Variants in MAPRE2 observed in about 807,000 individuals in gnomAD.
MAPRE2 encodes the protein microtubule-associated protein RP/EB family member 2.
Under a neutral mutation model 43.2 loss-of-function variants are expected in MAPRE2, and 13 were observed. The ratio of observed to expected loss-of-function variants is 0.30; its 90% CI spans 0.20 to 0.48. MAPRE2 has a LOEUF of 0.48. Ranked by LOEUF, MAPRE2 falls within the 20% of genes least tolerant of loss-of-function variation. The pLI is 0.99. For synonymous variants in MAPRE2, 135 were observed against 148.8 expected (o/e 0.91, Z 0.68); for missense variants, 161 against 400.2 (o/e 0.40, Z 5.10).
chr18:35,133,756 A>G (rs764388565), intron 6 of MAPRE2, among the ~76,000 whole-genome samples: 3 of 152,154 alleles, frequency 2.0e-5, no homozygotes, highest in Admixed American at 6.5e-5. Flanking sequence ...CTCCAAATGA[A>G]GTGTTGGAGA....
At chr18:35,066,213 G>A (rs16966370) in intron 1 of MAPRE2, among the ~76,000 whole-genome samples, 14,832 of 152,210 alleles carry the variant, frequency 0.097, 1,078 homozygotes, top group East Asian at 0.22. Flanking sequence ...ATAGGATGTT[G>A]ATGTAATTGG....
chr18:35,062,811 A>G (rs1906601418), intron 1 of MAPRE2, among the ~76,000 whole-genome samples: 2 of 152,182 alleles, frequency 1.3e-5, no homozygotes, highest in Admixed American at 1.3e-4. Flanking sequence ...CTCAAGCCCA[A>G]AGAAATAAGT....
intron 2 of MAPRE2, among the ~76,000 whole-genome samples, chr18:35,010,825 T>G (rs2097034203): frequency 6.6e-6 from 1 of 152,190 alleles, no homozygotes; most frequent in Non-Finnish European, 1.5e-5. Flanking sequence ...TGTTTTACCT[T>G]AAAATAATGT....
chr18:34,995,151 T>C (rs1156951223), intron 1 of MAPRE2, among the ~76,000 whole-genome samples: 3 of 152,208 alleles, frequency 2.0e-5, no homozygotes, highest in Non-Finnish European at 4.4e-5. Flanking sequence ...AAAATGCAAG[T>C]GCACCAAGAG....
chr18:35,099,651 C>T (rs1002115411), intron 3 of MAPRE2, among the ~76,000 whole-genome samples: 1 of 152,120 alleles, frequency 6.6e-6, no homozygotes, highest in African/African-American at 2.4e-5. Context: ...CAATTGAGTT[C>T]ACATGTGGCA....
chr18:34,999,930 A>G (rs2097028471), intron 1 of MAPRE2, among the ~76,000 whole-genome samples: 1 of 151,934 alleles, frequency 6.6e-6, no homozygotes, highest in Non-Finnish European at 1.5e-5. Context: ...AGCCCAACCC[A>G]AGACCATTAA....
intron 1 of MAPRE2, among the ~76,000 whole-genome samples, chr18:34,993,255 C>CTTTTTTTT (rs760356794): frequency 7.7e-6 from 1 of 130,074 alleles, no homozygotes; most frequent in Non-Finnish European, 1.6e-5. Flanking sequence ...CCATTCCCGC[C>CTTTTTTTT]TTTTTTTTTT....
chr18:35,104,952 T>C (rs1908838587), intron 4 of MAPRE2, among the ~76,000 whole-genome samples: 1 of 152,140 alleles, frequency 6.6e-6, no homozygotes, highest in East Asian at 1.9e-4. Context: ...TCAAGTTTTC[T>C]GTAGTGAGAT....
intron 1 of MAPRE2, among the ~76,000 whole-genome samples, chr18:34,985,305 T>TAAA (rs1491109694): frequency 1.0e-4 from 2 of 19,882 alleles, no homozygotes; most frequent in African/African-American, 4.4e-4. Flanking sequence ...TTATATATTG[T>TAAA]ATATATTATA....
intron 2 of MAPRE2, among the ~76,000 whole-genome samples, chr18:35,078,914 A>C (rs1603398611): frequency 6.6e-6 from 1 of 151,994 alleles, no homozygotes; most frequent in African/African-American, 2.4e-5. Flanking sequence ...TTCCTTCTCC[A>C]CCTGCTGCAA....
intron 1 of MAPRE2, among the ~76,000 whole-genome samples, chr18:35,069,683 A>T (rs1039131657): frequency 1.3e-5 from 2 of 151,994 alleles, no homozygotes; most frequent in African/African-American, 4.8e-5. Flanking sequence ...ACAATATATC[A>T]ATATATATAT....
chr18:35,137,830 C>T (rs1430264881), intron 6 of MAPRE2, among the ~76,000 whole-genome samples: 1 of 152,166 alleles, frequency 6.6e-6, no homozygotes, highest in Non-Finnish European at 1.5e-5. Context: ...TATCTCGGGG[C>T]TGCAGGCAGT....
chr18:35,112,676 A>C (rs1297352981), intron 4 of MAPRE2, among the ~76,000 whole-genome samples: 2 of 152,242 alleles, frequency 1.3e-5, no homozygotes, highest in Non-Finnish European at 2.9e-5. Flanking sequence ...ACTCCCTGGA[A>C]GAAGAGAGGT....
intron 1 of MAPRE2, among the ~76,000 whole-genome samples, chr18:34,986,162 C>G (rs2097020884): frequency 6.6e-6 from 1 of 152,044 alleles, no homozygotes; most frequent in South Asian, 2.1e-4. Context: ...GTACCTGAAA[C>G]TATTTACTGC....
chr18:35,127,182 G>A, intron 5 of MAPRE2, 95 bp downstream of exon 5: 2 of 1,282,536 alleles, frequency 1.6e-6, no homozygotes, highest in Non-Finnish European at 1.1e-6. Context: ...AGGGAGGGAA[G>A]GGTAAGGAAG....
At chr18:35,008,678 C>A (rs1568970000) in intron 2 of MAPRE2, among the ~76,000 whole-genome samples, 1 of 152,048 alleles carries the variant, frequency 6.6e-6, no homozygotes, top group Non-Finnish European at 1.5e-5. Flanking sequence ...TTATACAGAT[C>A]TTGTTGTTGG....
At position 35,135,473 on chromosome 18, in the gene MAPRE2, A is replaced by G. The variant is rs59803419; in HGVS notation, c.909+3283A>G. Among the ~76,000 whole-genome samples the G allele has an allele frequency of 1.2e-3, 184 of 152,266 alleles. 1 individual carries two copies. The highest frequency in any genetic ancestry group is 4.3e-3 in the African/African-American group (178 of 41,560). On this transcript the variant is annotated intron_variant, in intron 6 of 6. Transcript: ENST00000300249. ...CAAGCATTTTCATTTCTTCCTGAGA[A>G]TATGGAATCTGGTTTCTCTGGAACC...
intron 1 of MAPRE2, among the ~76,000 whole-genome samples, chr18:35,052,456 A>G (rs1257233615): frequency 1.3e-5 from 2 of 152,172 alleles, no homozygotes; most frequent in African/African-American, 2.4e-5. Context: ...TATTTTGTTT[A>G]TCTGCTCACC....
intron 1 of MAPRE2, among the ~76,000 whole-genome samples, chr18:35,052,390 C>G (rs759634302): frequency 6.6e-6 from 1 of 152,184 alleles, no homozygotes; most frequent in Non-Finnish European, 1.5e-5. Context: ...TATGGGATGT[C>G]TCAGTAGTTC....
Sources: gnomAD v4.1 joint callset for allele counts (sites outside exome capture counted in the v4.1 genomes callset) on GRCh38, gnomAD v4.1.1 for gene constraint, MANE v1.5 for transcripts, NCBI Gene and HGNC (gene_info 2026-07-23, HGNC 2026-07-21) for gene names.